ENTREP2: variants seen among roughly 807,000 people sequenced by gnomAD.
ENTREP2 encodes protein ENTREP2.
the ENTREP2 span, among the ~76,000 whole-genome samples, chr15:29,524,653 T>C: frequency 6.6e-6 from 1 of 152,222 alleles, no homozygotes; most frequent in Admixed American, 6.5e-5. Flanking sequence ...GGCGAGCCTT[T>C]AGCCCAGTCG....
At chr15:29,430,240 AAGGCCAC>A in the ENTREP2 span, among the ~76,000 whole-genome samples, 1 of 152,148 alleles carries the variant, frequency 6.6e-6, no homozygotes, top group South Asian at 2.1e-4. Flanking sequence ...CCTCATTTCA[AAGGCCAC>A]AGGCTCAGAG....
chr15:29,529,000 T>C, the ENTREP2 span, among the ~76,000 whole-genome samples: 1 of 151,560 alleles, frequency 6.6e-6, no homozygotes, highest in African/African-American at 2.4e-5. Flanking sequence ...TGATTGTACT[T>C]GAAACTTCCA....
the ENTREP2 span, among the ~76,000 whole-genome samples, chr15:29,138,627 G>A: frequency 6.6e-6 from 1 of 151,288 alleles, no homozygotes; most frequent in African/African-American, 2.4e-5. Flanking sequence ...GTATGTGTAT[G>A]TGCATGTGTA....
chr15:29,233,924 G>C, the ENTREP2 span: 12 of 1,569,098 alleles, frequency 7.6e-6, no homozygotes, highest in Admixed American at 1.7e-4. Flanking sequence ...AAACTGTTCA[G>C]CTGGAGTATC....
chr15:29,609,571 A>G, the ENTREP2 span: 2 of 149,790 alleles, frequency 1.3e-5, no homozygotes, highest in Admixed American at 1.4e-4. Context: ...CACCCCATAC[A>G]CAGTTCCCAG....
chr15:29,264,650 A>G, the ENTREP2 span, among the ~76,000 whole-genome samples: 1 of 152,222 alleles, frequency 6.6e-6, no homozygotes, highest in Non-Finnish European at 1.5e-5. Flanking sequence ...AGTGAAGGTC[A>G]TAATAGTCAA....
the ENTREP2 span, chr15:29,381,741 T>C: frequency 6.5e-7 from 1 of 1,547,238 alleles, no homozygotes; most frequent in Non-Finnish European, 8.7e-7. Flanking sequence ...GGAACCCTGC[T>C]CCAAGGCCAC....
At chr15:29,534,100 C>T in the ENTREP2 span, among the ~76,000 whole-genome samples, 1 of 135,370 alleles carries the variant, frequency 7.4e-6, no homozygotes, top group Non-Finnish European at 1.6e-5. Flanking sequence ...GCAAGTGCCC[C>T]TTGGCCAAAA....
chr15:29,626,143 A>G, the ENTREP2 span, among the ~76,000 whole-genome samples: 2 of 152,232 alleles, frequency 1.3e-5, no homozygotes, highest in Middle Eastern at 3.2e-3. Flanking sequence ...TTGCTAGTAC[A>G]TAAAAATACA....
the ENTREP2 span, among the ~76,000 whole-genome samples, chr15:29,396,722 T>C: frequency 6.6e-6 from 1 of 152,228 alleles, no homozygotes; most frequent in African/African-American, 2.4e-5. Flanking sequence ...AGCTTCCTTC[T>C]AAGAGTTTTA....
chr15:29,499,602 C>G, the ENTREP2 span, among the ~76,000 whole-genome samples: 1 of 151,710 alleles, frequency 6.6e-6, no homozygotes. Flanking sequence ...TGTCAAACAC[C>G]TAGGCTCAAG....
chr15:29,144,877 TAAAAATAAA>T, the ENTREP2 span, among the ~76,000 whole-genome samples: 2 of 151,556 alleles, frequency 1.3e-5, no homozygotes, highest in Non-Finnish European at 2.9e-5. Context: ...CCATCTCTAC[TAAAAATAAA>T]AAAAATAAAA....
the ENTREP2 span, among the ~76,000 whole-genome samples, chr15:29,179,864 C>T: frequency 7.2e-5 from 11 of 152,100 alleles, no homozygotes; most frequent in Admixed American, 7.2e-4. Flanking sequence ...CGATTACAGG[C>T]GTGAGCCACC....
At chr15:29,496,122 CTTAT>C in the ENTREP2 span, among the ~76,000 whole-genome samples, 3 of 151,776 alleles carry the variant, frequency 2.0e-5, no homozygotes, top group African/African-American at 7.2e-5. Flanking sequence ...CTTGCATCTC[CTTAT>C]TTAAGCTTAT....
the ENTREP2 span, among the ~76,000 whole-genome samples, chr15:29,563,392 C>T: frequency 6.6e-6 from 1 of 151,916 alleles, no homozygotes; most frequent in Non-Finnish European, 1.5e-5. Flanking sequence ...TATTTCTGTG[C>T]TTCCTAAGAA....
the ENTREP2 span, among the ~76,000 whole-genome samples, chr15:29,396,402 T>C: frequency 2.6e-5 from 4 of 152,190 alleles, no homozygotes; most frequent in African/African-American, 9.7e-5. Flanking sequence ...CTTAGCATAA[T>C]GTCCTCTGGG....
At chr15:29,570,514 T>A in the ENTREP2 span, 1 of 1,386,484 alleles carries the variant, frequency 7.2e-7, no homozygotes, top group Non-Finnish European at 9.4e-7. Context: ...CCGAGAAGCC[T>A]GCCCAGAAGG....
the ENTREP2 span, among the ~76,000 whole-genome samples, chr15:29,345,811 C>T: frequency 6.6e-6 from 1 of 152,152 alleles, no homozygotes; most frequent in Non-Finnish European, 1.5e-5. Flanking sequence ...GAGGCCCCTC[C>T]TATCACCTCA....
chr15:29,526,284 A>G, the ENTREP2 span, among the ~76,000 whole-genome samples: 1 of 152,144 alleles, frequency 6.6e-6, no homozygotes, highest in Non-Finnish European at 1.5e-5. Flanking sequence ...TGTTACAGGG[A>G]AAGTGTCCAT....
Sources: allele counts gnomAD v4.1 joint callset (sites outside exome capture counted in the v4.1 genomes callset), GRCh38; gene constraint gnomAD v4.1.1; transcripts MANE v1.5; gene names NCBI Gene and HGNC (gene_info 2026-07-23, HGNC 2026-07-21).